ROBO2: variants seen among roughly 807,000 people sequenced by gnomAD.
The protein encoded by ROBO2 is roundabout guidance receptor 2, also known as roundabout homolog 2.
A neutral mutation model predicts 160.8 loss-of-function variants in ROBO2; 53 were observed. That is an observed-to-expected ratio of 0.33 (90% CI 0.26 to 0.41). ROBO2 has a LOEUF of 0.41. ROBO2 is among the 10% of genes least tolerant of loss of function. ROBO2 has a pLI of 1.00. For synonymous variants in ROBO2, 664 were observed against 611.7 expected (o/e 1.09, Z -1.26); for missense variants, 1,577 against 1,722.4 (o/e 0.92, Z 1.49).
At chr3:77,224,732 C>T (rs2086269576) in intron 2 of ROBO2, among the ~76,000 whole-genome samples, 1 of 151,658 alleles carries the variant, frequency 6.6e-6, no homozygotes, top group Admixed American at 6.6e-5. Context: ...GTGTCTTTCT[C>T]CTAAAACAAC....
Position 77,336,349 on chromosome 3 carries a change from CG to C in ROBO2, c.389-141064del, listed in dbSNP as rs1243388314. Among the ~76,000 whole-genome samples, 13 of 152,084 alleles carry C rather than the reference CG, an allele frequency of 8.5e-5. No individual in the cohort carries two copies. In the East Asian group the frequency reaches 1.9e-3, roughly 23 times the overall value. The stretch of plus-strand genomic sequence containing the variant: ...TGTAACATTTATCCAACAAGCAACA[CG>C]AAGTCAAGAGGGGCCTGTTTGTCTA... On this transcript the variant is annotated intron_variant, in intron 2 of 25. Transcript: ENST00000461745.
intron 2 of ROBO2, among the ~76,000 whole-genome samples, chr3:76,886,741 T>C (rs2148788565): frequency 6.6e-6 from 1 of 151,562 alleles, no homozygotes; most frequent in African/African-American, 2.4e-5. Flanking sequence ...CTGGATTCAA[T>C]ATGGTCACGT....
chr3:76,950,341 A>G (rs141691157), intron 2 of ROBO2, among the ~76,000 whole-genome samples: 112 of 152,344 alleles, frequency 7.4e-4, no homozygotes, highest in African/African-American at 2.5e-3. Context: ...CTCTAACAGA[A>G]CACGATTAAT....
At chr3:76,883,602 A>G (rs1416326050) in intron 2 of ROBO2, among the ~76,000 whole-genome samples, 1 of 152,234 alleles carries the variant, frequency 6.6e-6, no homozygotes, top group Non-Finnish European at 1.5e-5. Context: ...TGTAGAAGAC[A>G]GTAAATGGAA....
intron 2 of ROBO2, among the ~76,000 whole-genome samples, chr3:76,518,098 C>G (rs942749673): frequency 3.9e-5 from 6 of 152,056 alleles, no homozygotes; most frequent in Middle Eastern, 6.8e-3. Flanking sequence ...TTGGAACATA[C>G]AGCACTGTGT....
chr3:77,496,779 A>G (rs2086844682), intron 5 of ROBO2, among the ~76,000 whole-genome samples: 1 of 152,170 alleles, frequency 6.6e-6, no homozygotes, highest in Non-Finnish European at 1.5e-5. Context: ...TGTGAGAGCT[A>G]TTAAAACCTT....
intron 2 of ROBO2, among the ~76,000 whole-genome samples, chr3:77,145,802 C>T (rs1365385361): frequency 6.6e-6 from 1 of 152,018 alleles, no homozygotes; most frequent in Non-Finnish European, 1.5e-5. Flanking sequence ...ATTAATATTC[C>T]CTCATGTTAA....
chr3:76,137,323 A>G (rs964282175), intron 2 of ROBO2, among the ~76,000 whole-genome samples: 3 of 151,996 alleles, frequency 2.0e-5, no homozygotes, highest in African/African-American at 7.2e-5. Context: ...CATTTACAAA[A>G]TGTAGTAATT....
At position 76,041,312 on chromosome 3, in the gene ROBO2, A is replaced by G. The variant is rs1408437818; in HGVS notation, c.109+103710A>G. ...GAAATCTTTGCCAGGATTTTGACTG[A>G]TCTTTTTAGATTGTATTTTTTCTGA... On this transcript the variant is annotated intron_variant, in intron 2 of 26. Coordinates refer to the ROBO2 transcript ENST00000487694. Among the ~76,000 whole-genome samples, 3 of 151,956 alleles carry G rather than the reference A, an allele frequency of 2.0e-5. 1 individual carries two copies. Among genetic ancestry groups the G allele is most frequent in the African/African-American group, 4.8e-5 (2 of 41,252 alleles).
At chr3:76,871,351 G>A (rs2148678590) in intron 2 of ROBO2, among the ~76,000 whole-genome samples, 1 of 151,690 alleles carries the variant, frequency 6.6e-6, no homozygotes, top group African/African-American at 2.4e-5. Context: ...TCAGGAGATC[G>A]AGACCATCCC....
At chr3:77,384,708 T>C (rs190932575) in intron 2 of ROBO2, among the ~76,000 whole-genome samples, 2 of 152,312 alleles carry the variant, frequency 1.3e-5, no homozygotes, top group East Asian at 3.9e-4. Context: ...TAGACCTTTT[T>C]AAAACTCATA....
chr3:77,231,969 T>C (rs1046948036), intron 2 of ROBO2, among the ~76,000 whole-genome samples: 5 of 152,216 alleles, frequency 3.3e-5, no homozygotes, highest in African/African-American at 1.2e-4. Context: ...CATCTTTGGA[T>C]ATTTTTCTTT....
chr3:76,380,086 G>T lies in ROBO2; in HGVS notation c.109+442484G>T, dbSNP rs368332636. Among the ~76,000 whole-genome samples the T allele has an allele frequency of 3.3e-5, 5 of 151,846 alleles. 1 individual carries two copies. Among genetic ancestry groups the T allele is most frequent in the South Asian group, 2.1e-4 (1 of 4,794 alleles). ...TTAATGCATATGCCATATCTAGGTG[G>T]GCAATACATTTTTGGTGGGTTTTTG... On this transcript the variant is annotated intron_variant, in intron 2 of 26. Coordinates refer to the ROBO2 transcript ENST00000487694.
At chr3:76,176,198 T>A (rs766689749) in intron 2 of ROBO2, among the ~76,000 whole-genome samples, 117 of 152,078 alleles carry the variant, frequency 7.7e-4, no homozygotes, top group Non-Finnish European at 1.0e-3. Flanking sequence ...TATTTTTTGT[T>A]CCTCCATGCA....
At chr3:76,181,307 G>T (rs1239862988) in intron 2 of ROBO2, among the ~76,000 whole-genome samples, 1 of 151,796 alleles carries the variant, frequency 6.6e-6, no homozygotes, top group Non-Finnish European at 1.5e-5. Flanking sequence ...TGTTAATGTT[G>T]GATTAATTTT....
At chr3:77,395,851 C>T (rs545575890) in intron 2 of ROBO2, among the ~76,000 whole-genome samples, 2 of 152,000 alleles carry the variant, frequency 1.3e-5, no homozygotes, top group South Asian at 4.2e-4. Flanking sequence ...GTCTTGTATA[C>T]TTCTTTAAGG....
chr3:76,954,231 G>C (rs969166089), intron 2 of ROBO2, among the ~76,000 whole-genome samples: 3 of 152,134 alleles, frequency 2.0e-5, no homozygotes, highest in African/African-American at 7.2e-5. Flanking sequence ...GTGTCCTACA[G>C]AAAAGGACAT....
At chr3:76,639,308 GTATC>G (rs1436409173) in intron 2 of ROBO2, among the ~76,000 whole-genome samples, 6 of 150,040 alleles carry the variant, frequency 4.0e-5, no homozygotes, top group Admixed American at 6.6e-5. Flanking sequence ...GTGTGTATAT[GTATC>G]TATATGGACA....
chr3:76,312,515 A>G (rs2071663572), intron 2 of ROBO2, among the ~76,000 whole-genome samples: 1 of 152,204 alleles, frequency 6.6e-6, no homozygotes. Flanking sequence ...CACTTAGCTT[A>G]GATGGTTGGT....
Sources: gnomAD v4.1 joint callset for allele counts (sites outside exome capture counted in the v4.1 genomes callset) on GRCh38, gnomAD v4.1.1 for gene constraint, MANE v1.5 for transcripts, NCBI Gene and HGNC (gene_info 2026-07-23, HGNC 2026-07-21) for gene names.